Variants in DLG2 observed in about 807,000 individuals in gnomAD.
The protein encoded by DLG2 is discs large MAGUK scaffold protein 2.
A neutral mutation model predicts 132.5 loss-of-function variants in DLG2; 45 were observed. The ratio of observed to expected loss-of-function variants is 0.34; its 90% CI spans 0.27 to 0.44. DLG2 has a LOEUF of 0.44. DLG2 is among the 20% of genes least tolerant of loss of function. The probability of loss-of-function intolerance (pLI) is 1.00; values close to 1 mark genes in which losing one functional copy is unlikely to be tolerated. For synonymous variants in DLG2, 424 were observed against 419.6 expected, an observed-to-expected ratio of 1.01 and a Z score of -0.13; for missense variants, 1,045 against 1,196.9, an observed-to-expected ratio of 0.87 and a Z score of 1.87.
chr11:85,128,269 T>C (rs2075355587), intron 5 of DLG2, among the ~76,000 whole-genome samples: 1 of 152,162 alleles, frequency 6.6e-6, no homozygotes, highest in Non-Finnish European at 1.5e-5. Flanking sequence ...TATCTGAAAT[T>C]ATGCCAATGT....
intron 11 of DLG2, among the ~76,000 whole-genome samples, chr11:84,018,389 G>C (rs544951433): frequency 6.6e-6 from 1 of 152,046 alleles, no homozygotes; most frequent in South Asian, 2.1e-4. Context: ...TAGTAAAAAA[G>C]AATCAATCAC....
At chr11:85,130,956 C>T (rs1033912073) in intron 5 of DLG2, among the ~76,000 whole-genome samples, 3 of 151,794 alleles carry the variant, frequency 2.0e-5, no homozygotes, top group African/African-American at 4.8e-5. Flanking sequence ...TATGTTTGTT[C>T]TTTAAAGATG....
chr11:84,906,827 G>C (rs895898217), intron 6 of DLG2, among the ~76,000 whole-genome samples: 2 of 152,066 alleles, frequency 1.3e-5, no homozygotes, highest in Non-Finnish European at 2.9e-5. Context: ...GAAAAGAACT[G>C]AATCCAAGGC....
At chr11:85,503,774 A>C (rs1310415876) in intron 3 of DLG2, among the ~76,000 whole-genome samples, 4 of 152,044 alleles carry the variant, frequency 2.6e-5, no homozygotes, top group African/African-American at 9.7e-5. Context: ...TCTACTAAAA[A>C]TCAAAAAATT....
chr11:84,941,907 G>A (rs1345342093), intron 6 of DLG2, among the ~76,000 whole-genome samples: 1 of 151,868 alleles, frequency 6.6e-6, no homozygotes, highest in African/African-American at 2.4e-5. Context: ...TTTTATTATG[G>A]CTACCATCTC....
In DLG2 at chr11:83,591,443, C is replaced by G. The variant is rs374909058; in HGVS notation, c.1940+41768G>C. On this transcript the variant is annotated intron_variant, in intron 19 of 27. Coordinates refer to ENST00000376104, the MANE Select transcript of DLG2 (RefSeq NM_001142699.3). ...AAGGCCTTTGACAAAATTCAACAAC[C>G]CTTCATGCTAAAAACTCTCAATAAA... 6.7e-3 allele frequency among the ~76,000 whole-genome samples: 514 copies of G among 76,598 alleles called. 3 individuals are homozygous for G. Among genetic ancestry groups the G allele is most frequent in the Middle Eastern group, 0.032 (7 of 220 alleles). The allele number at this position is 76,598 out of a possible 152,430, so 50.3% of individuals were successfully genotyped here.
At chr11:85,059,370 T>C (rs991550189) in intron 6 of DLG2, among the ~76,000 whole-genome samples, 1 of 151,578 alleles carries the variant, frequency 6.6e-6, no homozygotes, top group Admixed American at 6.6e-5. Context: ...TCTACTACAG[T>C]TAAACATATG....
At chr11:84,319,909 C>A (rs1299309480) in intron 7 of DLG2, among the ~76,000 whole-genome samples, 1 of 152,174 alleles carries the variant, frequency 6.6e-6, no homozygotes, top group Non-Finnish European at 1.5e-5. Flanking sequence ...ATCTTTCCCT[C>A]CCCACAAACA....
rs368062139 is a variant in DLG2 at position 83,941,471 on chromosome 11, C to T, written c.1341-10988G>A. Among the ~76,000 whole-genome samples, 88 of 152,158 alleles carry T rather than the reference C, an allele frequency of 5.8e-4. 3 individuals are homozygous for T. Among genetic ancestry groups the T allele is most frequent in the African/African-American group, 1.9e-3 (80 of 41,520 alleles). ...AGTGCAGGGTTGCAATCTCAACTCA[C>T]TGCAACCTCTGCCTCCTGGGTTCAA... On this transcript the variant is annotated intron_variant, in intron 14 of 27. Coordinates refer to ENST00000376104, the MANE Select transcript of DLG2 (RefSeq NM_001142699.3).
intron 8 of DLG2, among the ~76,000 whole-genome samples, chr11:84,182,362 A>G (rs1275512836): frequency 6.7e-6 from 1 of 149,782 alleles, no homozygotes; most frequent in African/African-American, 2.5e-5. Flanking sequence ...GGAGACCCCA[A>G]CTCCTAAAAA....
intron 3 of DLG2, among the ~76,000 whole-genome samples, chr11:85,570,723 A>T (rs2077797273): frequency 6.6e-6 from 1 of 152,038 alleles, no homozygotes; most frequent in South Asian, 2.1e-4. Context: ...TCCTCTCTTG[A>T]TAATTTCATT....
intron 4 of DLG2, among the ~76,000 whole-genome samples, chr11:85,231,003 A>T (rs2075272459): frequency 6.6e-6 from 1 of 151,980 alleles, no homozygotes; most frequent in Admixed American, 6.6e-5. Flanking sequence ...CCTAGCTACC[A>T]AAACTGTGAG....
intron 6 of DLG2, among the ~76,000 whole-genome samples, chr11:84,625,245 C>T (rs1053444823): frequency 1.3e-5 from 2 of 152,180 alleles, no homozygotes; most frequent in African/African-American, 4.8e-5. Context: ...CCCCCTGAAG[C>T]CAATGCATGT....
Position 84,658,482 on chromosome 11 carries a change from A to C in DLG2, c.358-123751T>G, listed in dbSNP as rs547368979. 2.2e-4 allele frequency among the ~76,000 whole-genome samples: 33 copies of C among 152,158 alleles called. 1 individual carries two copies. The highest frequency in any genetic ancestry group is 6.3e-4 in the African/African-American group (26 of 41,522). ...TAAAAGAAACTGTAGAGGGCTCCTGATATGGTTTGAATGCTTGTCCCCTCT... is the reference window on the plus strand; with the variant it reads ...TAAAAGAAACTGTAGAGGGCTCCTGCTATGGTTTGAATGCTTGTCCCCTCT... On this transcript the variant is annotated intron_variant, in intron 6 of 27. Coordinates refer to ENST00000376104, the MANE Select transcript of DLG2 (RefSeq NM_001142699.3).
intron 15 of DLG2, among the ~76,000 whole-genome samples, chr11:83,901,742 TGTTG>T (rs1251781340): frequency 5.9e-5 from 9 of 152,340 alleles, no homozygotes; most frequent in African/African-American, 1.7e-4. Flanking sequence ...TTCCATCTGC[TGTTG>T]TCATAGTGTA....
At chr11:85,068,526 A>T (rs2065282320) in intron 6 of DLG2, among the ~76,000 whole-genome samples, 1 of 152,158 alleles carries the variant, frequency 6.6e-6, no homozygotes, top group Admixed American at 6.5e-5. Context: ...CAGAGAGCCA[A>T]ATCATGAGTG....
rs1046006323 is a variant in DLG2 at position 84,069,476 on chromosome 11, C to G, written c.750-9992G>C. On this transcript the variant is annotated intron_variant, in intron 10 of 27. Coordinates refer to ENST00000376104, the MANE Select transcript of DLG2 (RefSeq NM_001142699.3). ...ACCATTTTCCAGCACTCATTTTCTACCTGAAACTCTTTTACTGACTCCCTT... is the reference window on the plus strand; with the variant it reads ...ACCATTTTCCAGCACTCATTTTCTAGCTGAAACTCTTTTACTGACTCCCTT... 2.6e-5 allele frequency among the ~76,000 whole-genome samples: 4 copies of G among 152,264 alleles called. No individual in the cohort carries two copies. In the South Asian group the frequency reaches 8.3e-4, roughly 32 times the overall value.
chr11:84,790,419 T>C (rs2073653192), intron 6 of DLG2, among the ~76,000 whole-genome samples: 1 of 152,156 alleles, frequency 6.6e-6, no homozygotes, highest in Non-Finnish European at 1.5e-5. Flanking sequence ...CTTTTGCCCA[T>C]TTTTAATCAA....
chr11:84,032,656 A>G (rs751468973), intron 11 of DLG2, among the ~76,000 whole-genome samples: 1 of 152,206 alleles, frequency 6.6e-6, no homozygotes, highest in Non-Finnish European at 1.5e-5. Context: ...TATATTAAAC[A>G]ACAGATTTTC....
Sources: allele counts gnomAD v4.1 joint callset (sites outside exome capture counted in the v4.1 genomes callset), GRCh38; gene constraint gnomAD v4.1.1; transcripts MANE v1.5; gene names NCBI Gene and HGNC (gene_info 2026-07-23, HGNC 2026-07-21).